The following EBF1 variants were observed in gnomAD, a reference collection of about 807,000 sequenced individuals.
EBF1 encodes the protein EBF transcription factor 1, also known as transcription factor COE1.
A neutral mutation model predicts 68.4 loss-of-function variants in EBF1; 10 were observed. The ratio of observed to expected loss-of-function variants is 0.15; its 90% CI spans 0.09 to 0.25. EBF1 has a LOEUF of 0.25. EBF1 is among the 10% of genes least tolerant of loss of function. The pLI is 1.00. For missense variants in EBF1, 509 were observed against 794.4 expected, an observed-to-expected ratio of 0.64 and a Z score of 4.32; for synonymous variants, 298 against 299.8, an observed-to-expected ratio of 0.99 and a Z score of 0.06.
Position 158,796,368 on chromosome 5 carries a change from C to T in EBF1, c.886G>A (p.Gly296Ser). 1 of 1,612,934 alleles carries T rather than the reference C, an allele frequency of 6.2e-7. No homozygotes were observed. Among genetic ancestry groups the T allele is most frequent in the Non-Finnish European group, 8.5e-7 (1 of 1,179,302 alleles). Reference sequence around the variant, plus strand: ...ACCTCACTCCAGACCAGCATGGTACCGAATATGACCTGTAACCCATCAAAG... The same window carrying T: ...ACCTCACTCCAGACCAGCATGGTACTGAATATGACCTGTAACCCATCAAAG... ...NFFDGLQVIF[G>S]TMLVWSELIT... Residue 296 changes from glycine (G) to serine (S), a missense_variant, in exon 9 of 16, where the codon GGT becomes AGT. This residue lies in a region of EBF1 where 230 missense variants were observed against 467.7 expected (regional missense o/e 0.49). Coordinates refer to ENST00000313708, the MANE Select transcript of EBF1 (RefSeq NM_024007.5).
intron 10 of EBF1, among the ~76,000 whole-genome samples, chr5:158,747,979 G>A (rs1339809256): frequency 6.6e-6 from 1 of 152,162 alleles, no homozygotes; most frequent in Non-Finnish European, 1.5e-5. Context: ...CTCTGTGATG[G>A]ACTGCCCCTG....
At chr5:158,886,424 G>A (rs1035135987) in intron 6 of EBF1, among the ~76,000 whole-genome samples, 2 of 152,158 alleles carry the variant, frequency 1.3e-5, no homozygotes, top group African/African-American at 4.8e-5. Context: ...TGGTGTTTTC[G>A]AGTCCAAAGG....
intron 6 of EBF1, among the ~76,000 whole-genome samples, chr5:158,901,526 C>T (rs1233966954): frequency 6.6e-6 from 1 of 152,196 alleles, no homozygotes; most frequent in African/African-American, 2.4e-5. Flanking sequence ...CTTCATTCAA[C>T]ATCCAACACT....
intron 8 of EBF1, among the ~76,000 whole-genome samples, chr5:158,807,222 T>G (rs367877460): frequency 6.6e-6 from 1 of 152,116 alleles, no homozygotes; most frequent in East Asian, 1.9e-4. Context: ...GAACAACGAT[T>G]AATCTCCAAT....
intron 15 of EBF1, among the ~76,000 whole-genome samples, chr5:158,702,199 G>A (rs1436498089): frequency 6.6e-6 from 1 of 152,132 alleles, no homozygotes; most frequent in African/African-American, 2.4e-5. Context: ...AAACTCCACT[G>A]CAAAACTGCC....
intron 8 of EBF1, among the ~76,000 whole-genome samples, chr5:158,810,930 C>T (rs77119163): frequency 0.023 from 3,496 of 152,242 alleles, 139 homozygotes; most frequent in African/African-American, 0.08. Context: ...ATCTCCCAGC[C>T]GACTTGCCCA....
intron 6 of EBF1, among the ~76,000 whole-genome samples, chr5:158,860,059 T>C (rs1378060917): frequency 6.6e-6 from 1 of 152,238 alleles, no homozygotes; most frequent in Admixed American, 6.5e-5. Flanking sequence ...AGACAAGTAT[T>C]GATGGATACA....
At chr5:158,772,974 C>T (rs1774200315) in intron 10 of EBF1, among the ~76,000 whole-genome samples, 1 of 151,858 alleles carries the variant, frequency 6.6e-6, no homozygotes, top group Non-Finnish European at 1.5e-5. Context: ...ATATGATGTC[C>T]CAAGGATAAC....
chr5:158,892,481 A>C (rs941531973), intron 6 of EBF1, among the ~76,000 whole-genome samples: 1 of 152,176 alleles, frequency 6.6e-6, no homozygotes, highest in African/African-American at 2.4e-5. Context: ...GAAACAAAAA[A>C]AACCAAAGAT....
At chr5:158,932,736 G>T (rs1811157532) in intron 6 of EBF1, among the ~76,000 whole-genome samples, 1 of 152,130 alleles carries the variant, frequency 6.6e-6, no homozygotes, top group African/African-American at 2.4e-5. Flanking sequence ...CAAGCCCAGA[G>T]ATTACTGAAA....
chr5:159,073,491 G>A (rs1007575877), intron 5 of EBF1, 27 bp from the exon 6 acceptor site: 7 of 1,613,300 alleles, frequency 4.3e-6, no homozygotes, highest in Non-Finnish European at 5.1e-6. Flanking sequence ...AAAGGATTTA[G>A]TACAACCATT....
At chr5:158,738,532 T>C (rs562104719) in intron 10 of EBF1, among the ~76,000 whole-genome samples, 1 of 152,370 alleles carries the variant, frequency 6.6e-6, no homozygotes, top group African/African-American at 2.4e-5. Flanking sequence ...TGATTCCTTG[T>C]AGAGGTGCCA....
At chr5:158,925,639 C>A (rs1268701004) in intron 6 of EBF1, among the ~76,000 whole-genome samples, 1 of 152,202 alleles carries the variant, frequency 6.6e-6, no homozygotes, top group Non-Finnish European at 1.5e-5. Context: ...TGTAGCCATG[C>A]ACAACAGAAG....
intron 9 of EBF1, among the ~76,000 whole-genome samples, chr5:158,783,604 T>C (rs1301663436): frequency 6.6e-6 from 1 of 152,212 alleles, no homozygotes; most frequent in Non-Finnish European, 1.5e-5. Context: ...TTCTGCTCCC[T>C]CTAAGCTGCC....
intron 10 of EBF1, among the ~76,000 whole-genome samples, chr5:158,763,897 CA>C (rs373871236): frequency 6.6e-6 from 1 of 152,150 alleles, no homozygotes; most frequent in Non-Finnish European, 1.5e-5. Context: ...GCCTCCTCTA[CA>C]AAATGTTAGG....
chr5:158,704,232 A>G (rs562859949), intron 15 of EBF1, among the ~76,000 whole-genome samples: 1 of 152,320 alleles, frequency 6.6e-6, no homozygotes, highest in African/African-American at 2.4e-5. Flanking sequence ...TGTGTTCACC[A>G]TTATCACCAC....
At chr5:158,802,443 C>T (rs770863839) in intron 8 of EBF1, among the ~76,000 whole-genome samples, 4 of 152,076 alleles carry the variant, frequency 2.6e-5, no homozygotes, top group African/African-American at 4.8e-5. Flanking sequence ...CTTTTCCATT[C>T]CCATTACATA....
At chr5:158,727,464 T>C (rs2127536092) in intron 11 of EBF1, among the ~76,000 whole-genome samples, 1 of 152,274 alleles carries the variant, frequency 6.6e-6, no homozygotes, top group South Asian at 2.1e-4. Context: ...CACCTCTAAA[T>C]TATAAGAAAA....
intron 6 of EBF1, among the ~76,000 whole-genome samples, chr5:159,065,566 A>T (rs985364833): frequency 1.3e-5 from 2 of 152,186 alleles, no homozygotes; most frequent in African/African-American, 4.8e-5. Flanking sequence ...TCCTACCCAC[A>T]CATGGTATCA....
Sources: gnomAD v4.1 joint callset for allele counts (sites outside exome capture counted in the v4.1 genomes callset) on GRCh38, gnomAD v4.1.1 for gene constraint, gnomAD v4.1.1 regional missense constraint, MANE v1.5 for transcripts, NCBI Gene and HGNC (gene_info 2026-07-23, HGNC 2026-07-21) for gene names.